CYFIP2: variants seen among roughly 807,000 people sequenced by gnomAD.
CYFIP2 encodes the protein cytoplasmic FMR1 interacting protein 2, also known as cytoplasmic FMR1-interacting protein 2.
Under a neutral mutation model 158.7 loss-of-function variants are expected in CYFIP2, and 29 were observed. The observed-to-expected ratio is 0.18, with a 90% confidence interval of 0.14 to 0.25. CYFIP2 has a LOEUF of 0.25. Ranked by LOEUF, CYFIP2 falls within the 10% of genes least tolerant of loss-of-function variation. The pLI is 1.00. For missense variants in CYFIP2, 852 were observed against 1,639.5 expected, an observed-to-expected ratio of 0.52 and a Z score of 8.29; for synonymous variants, 585 against 617.6, an observed-to-expected ratio of 0.95 and a Z score of 0.78.
rs1764985620 is a variant in CYFIP2, at chr5:157,371,365, T to G, written c.3039+9767T>G. Among the ~76,000 whole-genome samples the G allele has an allele frequency of 1.3e-5, 2 of 152,166 alleles. 1 individual carries two copies. Among genetic ancestry groups the G allele is most frequent in the Admixed American group, 1.3e-4 (2 of 15,278 alleles). On this transcript the variant is annotated intron_variant, in intron 26 of 30. Transcript: ENST00000620254. The stretch of plus-strand genomic sequence containing the variant: ...TTTCTCCATACAAAAACATAATGCA[T>G]TAGTGTTATTTGTCTTTTTGTTGCC...
chr5:157,363,180 C>T (rs978367130), intron 26 of CYFIP2: 2 of 152,362 alleles, frequency 1.3e-5, no homozygotes, highest in Non-Finnish European at 2.9e-5. Context: ...CTGTTCTCCA[C>T]ATGGTGCTCC....
At chr5:157,291,519 A>C (rs540498674) in intron 3 of CYFIP2, among the ~76,000 whole-genome samples, 1 of 152,238 alleles carries the variant, frequency 6.6e-6, no homozygotes, top group African/African-American at 2.4e-5. Flanking sequence ...CCAGTTAAAC[A>C]TTCACTGAAT....
In CYFIP2 at chr5:157,382,658, C is replaced by G. The variant is rs756987284; in HGVS notation, c.3108C>G (p.Ile1036Met). 3.1e-6 allele frequency: 5 copies of G among 1,613,864 alleles called. No homozygotes were observed. In the South Asian group the frequency reaches 5.5e-5, roughly 18 times the overall value. The change falls in exon 27 of 31, where the codon ATC (isoleucine) becomes ATG (methionine). Residue 1036 changes from isoleucine to methionine, a missense_variant. Around this residue, in one of 8 missense-constraint regions of CYFIP2, gnomAD observed 223 missense variants for 381.6 expected, o/e 0.58. Transcript: ENST00000620254. ...PFQNILPRVYIKEGERLEVRM... is the reference protein window; with the variant it reads ...PFQNILPRVYMKEGERLEVRM... The stretch of plus-strand genomic sequence containing the variant: ...AAAACATCTTGCCTAGAGTCTACAT[C>G]AAAGGTAAGAAACCACTACAGCAGC...
At chr5:157,306,059 C>T (rs733730) in intron 8 of CYFIP2, among the ~76,000 whole-genome samples, 17,238 of 152,160 alleles carry the variant, frequency 0.11, 1,435 homozygotes, top group East Asian at 0.26. Flanking sequence ...CAGCCTTCTC[C>T]CATTCTTTAT....
chr5:157,390,740 A>T (rs1767200280), intron 30 of CYFIP2, 72 bp downstream of exon 30: 1 of 1,546,364 alleles, frequency 6.5e-7, no homozygotes. Context: ...AGAAAAGCAA[A>T]CAAGGAGGAG....
intron 25 of CYFIP2, among the ~76,000 whole-genome samples, chr5:157,360,709 A>G (rs569265729): frequency 2.0e-5 from 3 of 152,322 alleles, no homozygotes; most frequent in Admixed American, 6.5e-5. Flanking sequence ...CTCCATCTGC[A>G]TATTTGGGGA....
At chr5:157,323,362 G>T (rs761814141) in intron 15 of CYFIP2, among the ~76,000 whole-genome samples, 1 of 152,158 alleles carries the variant, frequency 6.6e-6, no homozygotes, top group Non-Finnish European at 1.5e-5. Flanking sequence ...ACAGGTGTGG[G>T]AGGGGGTTCG....
chr5:157,385,385 A>G (rs1371300712), intron 28 of CYFIP2, among the ~76,000 whole-genome samples: 2 of 152,274 alleles, frequency 1.3e-5, no homozygotes, highest in Non-Finnish European at 1.5e-5. Flanking sequence ...CATGAACCAA[A>G]GAAAAGTTAA....
chr5:157,303,022 G>A, intron 7 of CYFIP2, 132 bp downstream of exon 7: 2 of 691,126 alleles, frequency 2.9e-6, no homozygotes, highest in Admixed American at 3.0e-5. Flanking sequence ...CCCTACTTGA[G>A]AGTGAAATGT....
intron 13 of CYFIP2, 40 bp from the exon 14 acceptor site, chr5:157,319,722 T>G (rs1453387440): frequency 3.1e-6 from 5 of 1,607,546 alleles, no homozygotes; most frequent in Non-Finnish European, 4.3e-6. Flanking sequence ...GCTGGTGTGC[T>G]GGACATGGTG....
At chr5:157,377,896 T>C (rs1487421741) in intron 26 of CYFIP2, among the ~76,000 whole-genome samples, 1 of 152,224 alleles carries the variant, frequency 6.6e-6, no homozygotes, top group Non-Finnish European at 1.5e-5. Flanking sequence ...GCCCTGGTCC[T>C]CCATCAGCAG....
At chr5:157,295,620 C>T (rs1168819091) in intron 4 of CYFIP2, among the ~76,000 whole-genome samples, 3 of 152,240 alleles carry the variant, frequency 2.0e-5, no homozygotes, top group South Asian at 2.1e-4. Context: ...ATTATTCTGT[C>T]ACTTTTTTCA....
At chr5:157,307,659 G>T in intron 8 of CYFIP2, 102 bp from the exon 9 acceptor site, 2 of 481,046 alleles carry the variant, frequency 4.2e-6, no homozygotes, top group South Asian at 2.7e-5. Flanking sequence ...GTGTGTGTAT[G>T]TGTGTGTGTG....
At chr5:157,330,921 T>G in intron 20 of CYFIP2, 71 bp downstream of exon 20, 1 of 1,214,430 alleles carries the variant, frequency 8.2e-7, no homozygotes, top group Non-Finnish European at 1.2e-6. Context: ...AGCATAGAGA[T>G]CAGAAATCAG....
intron 5 of CYFIP2, among the ~76,000 whole-genome samples, chr5:157,297,635 TGA>T (rs925850167): frequency 1.3e-5 from 2 of 152,246 alleles, no homozygotes; most frequent in East Asian, 3.9e-4. Flanking sequence ...ACTGAGAAAC[TGA>T]GAGTCTCCTG....
At chr5:157,294,624 A>C (rs574003766) in intron 3 of CYFIP2, among the ~76,000 whole-genome samples, 159 bp from the exon 4 acceptor site, 1 of 152,292 alleles carries the variant, frequency 6.6e-6, no homozygotes, top group Non-Finnish European at 1.5e-5. Flanking sequence ...GCATAGGCCC[A>C]GGGAGGGACC....
At chr5:157,314,036 C>T (rs1429954805) in intron 11 of CYFIP2, among the ~76,000 whole-genome samples, 5 of 152,084 alleles carry the variant, frequency 3.3e-5, no homozygotes, top group African/African-American at 1.2e-4. Context: ...CCAGCCTGGA[C>T]AACACAGTGA....
chr5:157,344,574 G>C (rs35669629), intron 23 of CYFIP2, among the ~76,000 whole-genome samples: 713 of 152,294 alleles, frequency 4.7e-3, no homozygotes, highest in Non-Finnish European at 7.4e-3. Flanking sequence ...GCCCCGCTTT[G>C]ATAAGAGAGA....
At chr5:157,315,239 A>ATAACTTCTGAC in intron 13 of CYFIP2, 145 bp downstream of exon 13, 3 of 1,160,860 alleles carry the variant, frequency 2.6e-6, no homozygotes, top group African/African-American at 1.6e-5. Flanking sequence ...ATCCGTCAGA[A>ATAACTTCTGAC]GTTATTCTGC....
Sources: allele counts gnomAD v4.1 joint callset (sites outside exome capture counted in the v4.1 genomes callset), GRCh38; gene constraint gnomAD v4.1.1; regional missense constraint gnomAD v4.1.1; transcripts MANE v1.5; gene names NCBI Gene and HGNC (gene_info 2026-07-23, HGNC 2026-07-21).